BMI1: variants seen among roughly 807,000 people sequenced by gnomAD.
BMI1 encodes polycomb complex protein BMI-1.
A neutral mutation model predicts 39.1 loss-of-function variants in BMI1; 9 were observed. The ratio of observed to expected loss-of-function variants is 0.23; its 90% CI spans 0.14 to 0.40. The LOEUF (loss-of-function observed/expected upper bound fraction) is 0.40, where lower values mean the gene tolerates loss of function less well. Ranked by LOEUF, BMI1 falls within the 10% of genes least tolerant of loss-of-function variation. The pLI is 1.00. For synonymous variants in BMI1, 131 were observed against 127.9 expected, an observed-to-expected ratio of 1.02 and a Z score of -0.16; for missense variants, 252 against 390.8, an observed-to-expected ratio of 0.64 and a Z score of 2.99.
At chr10:22,324,967 C>T (rs886994910) in intron 1 of BMI1, among the ~76,000 whole-genome samples, 1 of 152,152 alleles carries the variant, frequency 6.6e-6, no homozygotes, top group Non-Finnish European at 1.5e-5. Flanking sequence ...TTTTTCTCTC[C>T]TGTCGCTGCT....
In BMI1 at chr10:22,330,538, CTG is replaced by C. The variant is rs1412540545; in HGVS notation, c.*997_*998del. On this transcript the variant is annotated 3_prime_UTR_variant, in exon 10 of 10. Coordinates refer to ENST00000376663, the MANE Select transcript of BMI1 (RefSeq NM_005180.9). ...TGTTGCAGTGAAGAAAAACCTTTAA[CTG>C]AGAAATATGGAAACCGTCTTAATTT... is the stretch of plus-strand genomic sequence containing the variant. The C allele has an allele frequency of 2.6e-5, 4 of 152,156 alleles. No homozygotes were observed. Among genetic ancestry groups the C allele is most frequent in the African/African-American group, 9.7e-5 (4 of 41,440 alleles). The allele number at this position is 152,156 out of a possible 1,614,324, so 9.4% of individuals were successfully genotyped here. A position where few individuals can be genotyped will look rare whatever the true frequency, so the allele number is the denominator to read the frequency against.
chr10:22,321,383 C>T lies in BMI1; in HGVS notation c.-333C>T, dbSNP rs1458994673. The T allele has an allele frequency of 1.9e-5, 3 of 159,688 alleles. No homozygotes were observed. The highest frequency in any genetic ancestry group is 1.3e-4 in the Admixed American group (2 of 15,344). The allele number at this position is 159,688 out of a possible 1,614,324, so 9.9% of individuals were successfully genotyped here. A position where few individuals can be genotyped will look rare whatever the true frequency, so the allele number is the denominator to read the frequency against. On this transcript the variant is annotated 5_prime_UTR_variant, in exon 1 of 10. Transcript: ENST00000376663. ...CCGAGTGCGGAGCGGGAGGAGGCGG[C>T]GGCGGCCGAGGAGGAGGAGGAGGAG...
intron 1 of BMI1, 145 bp downstream of exon 1, chr10:22,321,841 C>A (rs1376693336): frequency 7.0e-6 from 1 of 143,594 alleles, no homozygotes; most frequent in Admixed American, 6.9e-5. Context: ...GGGCGCCCGG[C>A]CCCGCGCCCC....
chr10:22,322,980 A>G (rs142131128), intron 1 of BMI1, among the ~76,000 whole-genome samples: 1 of 152,324 alleles, frequency 6.6e-6, no homozygotes, highest in Non-Finnish European at 1.5e-5. Flanking sequence ...TATGAAAGAG[A>G]AGCATGTATT....
Position 22,321,559 on chromosome 10 carries a change from G to C in BMI1, c.-157G>C, listed in dbSNP as rs1278551227. On this transcript the variant is annotated 5_prime_UTR_variant, in exon 1 of 10. Coordinates refer to ENST00000376663, the MANE Select transcript of BMI1 (RefSeq NM_005180.9). ...GGCCGCGGCTGCTCGGGGCCGCGCT[G>C]GTTGCCCATTGACAGCGGCGTCTGC... 7 of 153,334 alleles carry C rather than the reference G, an allele frequency of 4.6e-5. No individual in the cohort carries two copies. The highest frequency in any genetic ancestry group is 1.7e-4 in the African/African-American group (7 of 41,556). 9.5% of individuals were successfully genotyped at this position (153,334 alleles called of 1,614,324 possible). A position where few individuals can be genotyped will look rare whatever the true frequency, so the allele number is the denominator to read the frequency against.
intron 5 of BMI1, 76 bp from the exon 6 acceptor site, chr10:22,327,874 C>G: frequency 1.9e-6 from 3 of 1,590,630 alleles, no homozygotes; most frequent in South Asian, 2.3e-5. Context: ...ATTGACTTTA[C>G]CACTTCCATC....
chr10:22,322,930 A>G (rs1836045910), intron 1 of BMI1, among the ~76,000 whole-genome samples: 1 of 152,220 alleles, frequency 6.6e-6, no homozygotes, highest in African/African-American at 2.4e-5. Flanking sequence ...TACCACTTGC[A>G]ATAAAAGGAT....
Position 22,329,303 on chromosome 10 carries a change from G to A in BMI1, c.742G>A (p.Glu248Lys). Residue 248 changes from glutamate (E) to lysine (K), a missense_variant, in exon 10 of 10, where the codon GAA becomes AAA. Glu to Lys is a moderately conservative substitution (Grantham distance 56). Transcript: ENST00000376663. ...HQRDGLTNAGELESDSGSDKA... is the reference protein window; with the variant it reads ...HQRDGLTNAGKLESDSGSDKA... ...GAGAGATGGACTGACAAATGCTGGA[G>A]AACTGGAAAGTGACTCTGGGAGTGA... The A allele has an allele frequency of 6.2e-7, 1 of 1,614,224 alleles. No individual in the cohort carries two copies.
At chr10:22,327,050 A>C in intron 3 of BMI1, 64 bp downstream of exon 3, 1 of 1,554,126 alleles carries the variant, frequency 6.4e-7, no homozygotes, top group Non-Finnish European at 8.8e-7. Flanking sequence ...TACTGAAGGC[A>C]ACCCTCTTTA....
rs1370047633 is a variant in BMI1, at chr10:22,328,518, T to C, written c.472-82T>C. ...TCCAATTTTGTTTGATACTAGTATCTTTTATATTCAAGCAATCAAATTGAA... is the reference window on the plus strand; with the variant it reads ...TCCAATTTTGTTTGATACTAGTATCCTTTATATTCAAGCAATCAAATTGAA... On this transcript the variant is annotated intron_variant, in intron 7 of 9. Coordinates refer to ENST00000376663, the MANE Select transcript of BMI1 (RefSeq NM_005180.9). The C allele has an allele frequency of 4.8e-6, 7 of 1,451,376 alleles. No homozygotes were observed. The East Asian group carries it at 1.7e-4, about 35-fold the overall frequency. The allele number at this position is 1,451,376 out of a possible 1,614,324, so 89.9% of individuals were successfully genotyped here. A position where few individuals can be genotyped will look rare whatever the true frequency, so the allele number is the denominator to read the frequency against.
At position 22,329,498 on chromosome 10, in the gene BMI1, C is replaced by T. The variant is rs757966770; in HGVS notation, c.937C>T (p.Arg313Ter). The T allele has an allele frequency of 6.2e-7, 1 of 1,614,076 alleles. No individual in the cohort carries two copies. Among genetic ancestry groups the T allele is most frequent in the Non-Finnish European group, 8.5e-7 (1 of 1,180,000 alleles). Reference protein sequence around the residue: ...NHQSSFANRPRKSSVNGSSAT... With the variant: ...NHQSSFANRP Reference sequence around the variant, plus strand: ...CCAATCTTCTTTTGCCAATAGACCTCGAAAATCATCAGTAAATGGGTCATC... The same window carrying T: ...CCAATCTTCTTTTGCCAATAGACCTTGAAAATCATCAGTAAATGGGTCATC... The change falls in exon 10 of 10, where the codon CGA becomes TGA. Residue 313 changes from arginine to a stop codon, truncating the protein, a stop_gained. Transcript: ENST00000376663. LOFTEE classifies it high-confidence loss of function.
In BMI1 at chr10:22,329,696, A is replaced by G. The variant is rs1359159776; in HGVS notation, c.*154A>G. 7 of 836,768 alleles carry G rather than the reference A, an allele frequency of 8.4e-6. No homozygotes were observed. The highest frequency in any genetic ancestry group is 7.2e-6 in the Non-Finnish European group (4 of 553,620). The allele number at this position is 836,768 out of a possible 1,614,324, so 51.8% of individuals were successfully genotyped here. ...AATTTGGCTATAAAAGATGGACTAC[A>G]TGTGATACTCCTATGGACGTTAATT... On this transcript the variant is annotated 3_prime_UTR_variant, in exon 10 of 10. Coordinates refer to ENST00000376663, the MANE Select transcript of BMI1 (RefSeq NM_005180.9).
rs1260869205 is a variant in BMI1, at chr10:22,327,743, T to C, written c.267T>C (p.Asn89=). The C allele has an allele frequency of 1.2e-6, 2 of 1,613,420 alleles. No homozygotes were observed. Among genetic ancestry groups the C allele is most frequent in the South Asian group, 2.2e-5 (2 of 91,060 alleles). Residue 89 remains asparagine (N), a splice_region_variant and synonymous_variant, in exon 5 of 10, where the codon AAT becomes AAC. Transcript: ENST00000376663. The part of the protein sequence containing the change: ...VYKLVPGLFK[N]EMKRRRDFYA... ...TTTACATCTTTTTTCCCCATTCAGATGAAATGAAGAGAAGAAGGGATTTTT... is the reference window on the plus strand; with the variant it reads ...TTTACATCTTTTTTCCCCATTCAGACGAAATGAAGAGAAGAAGGGATTTTT...
Position 22,329,691 on chromosome 10 carries a change from ACTACATGTGATACTC to A in BMI1, c.*153_*167del, listed in dbSNP as rs748325117. ...CATTAAATTTGGCTATAAAAGATGG[ACTACATGTGATACTC>A]CTATGGACGTTAATTGAAAAGAAAG... is the stretch of plus-strand genomic sequence containing the variant. On this transcript the variant is annotated 3_prime_UTR_variant, in exon 10 of 10. Transcript: ENST00000376663. 2.8e-5 allele frequency: 25 copies of A among 887,976 alleles called. No homozygotes were observed. Among genetic ancestry groups the A allele is most frequent in the Non-Finnish European group, 3.8e-5 (23 of 599,848 alleles). 55.0% of individuals were successfully genotyped at this position (887,976 alleles called of 1,614,324 possible). A position where few individuals can be genotyped will look rare whatever the true frequency, so the allele number is the denominator to read the frequency against.
chr10:22,327,724 T>C lies in BMI1; in HGVS notation c.266-18T>C, dbSNP rs1306122212. On this transcript the variant is annotated intron_variant, in intron 4 of 9. Coordinates refer to ENST00000376663, the MANE Select transcript of BMI1 (RefSeq NM_005180.9). Reference sequence around the variant, plus strand: ...CTTTGTGTTATGCCAAATGTTTACATCTTTTTTCCCCATTCAGATGAAATG... The same window carrying C: ...CTTTGTGTTATGCCAAATGTTTACACCTTTTTTCCCCATTCAGATGAAATG... 5.0e-6 allele frequency: 8 copies of C among 1,613,274 alleles called. No homozygotes were observed. The East Asian group carries it at 1.8e-4, about 36-fold the overall frequency.
intron 1 of BMI1, among the ~76,000 whole-genome samples, chr10:22,323,095 A>G (rs979930007): frequency 3.9e-5 from 6 of 152,236 alleles, no homozygotes; most frequent in Non-Finnish European, 7.3e-5. Flanking sequence ...TATATTTTAT[A>G]GGAACCTTAA....
intron 2 of BMI1, 34 bp from the exon 3 acceptor site, chr10:22,326,856 A>G (rs757834259): frequency 1.2e-6 from 2 of 1,608,334 alleles, no homozygotes; most frequent in African/African-American, 2.7e-5. Context: ...ACTCATTTCT[A>G]AACATAAAAA....
rs1298918630 is a variant in BMI1, at chr10:22,329,732, A to T, written c.*190A>T. On this transcript the variant is annotated 3_prime_UTR_variant, in exon 10 of 10. Coordinates refer to ENST00000376663, the MANE Select transcript of BMI1 (RefSeq NM_005180.9). Reference sequence around the variant, plus strand: ...CTATGGACGTTAATTGAAAAGAAAGATTGTTGTTATAAAGAATTGGTTTCT... The same window carrying T: ...CTATGGACGTTAATTGAAAAGAAAGTTTGTTGTTATAAAGAATTGGTTTCT... 3 of 668,172 alleles carry T rather than the reference A, an allele frequency of 4.5e-6. No individual in the cohort carries two copies. 41.4% of individuals were successfully genotyped at this position (668,172 alleles called of 1,614,324 possible).
intron 8 of BMI1, 78 bp downstream of exon 8, chr10:22,328,776 C>A (rs2132007796): frequency 7.1e-7 from 1 of 1,407,944 alleles, no homozygotes; most frequent in East Asian, 2.5e-5. Context: ...GGATTTTGAA[C>A]CCAAAAAAGC....
Sources: allele counts gnomAD v4.1 joint callset (sites outside exome capture counted in the v4.1 genomes callset), GRCh38; gene constraint gnomAD v4.1.1; transcripts MANE v1.5; gene names NCBI Gene and HGNC (gene_info 2026-07-23, HGNC 2026-07-21).